NIPBL: variants seen among roughly 807,000 people sequenced by gnomAD.
NIPBL encodes the protein NIPBL cohesin loading factor, also known as nipped-B-like protein.
NIPBL carries 19 observed loss-of-function variants against 321.8 expected under a neutral mutation model. That is an observed-to-expected ratio of 0.06 (90% CI 0.04 to 0.09). NIPBL has a LOEUF of 0.09. NIPBL is among the 10% of genes least tolerant of loss of function. NIPBL has a pLI of 1.00. For synonymous variants in NIPBL, 1,106 were observed against 1,114.1 expected (o/e 0.99, Z 0.14); for missense variants, 2,210 against 3,327.0 (o/e 0.66, Z 8.26).
At chr5:36,994,887 G>GT (rs1745958618) in intron 10 of NIPBL, among the ~76,000 whole-genome samples, 1 of 152,046 alleles carries the variant, frequency 6.6e-6, no homozygotes, top group African/African-American at 2.4e-5. Context: ...TGACTCTTGT[G>GT]GGAAGATATG....
intron 34 of NIPBL, among the ~76,000 whole-genome samples, chr5:37,040,208 A>G (rs1050319548): frequency 3.3e-5 from 5 of 152,142 alleles, no homozygotes; most frequent in African/African-American, 1.2e-4. Flanking sequence ...TTTTTTTAAA[A>G]CAAAATCACT....
At chr5:36,946,700 A>G (rs1739724275) in intron 1 of NIPBL, among the ~76,000 whole-genome samples, 1 of 152,052 alleles carries the variant, frequency 6.6e-6, no homozygotes, top group African/African-American at 2.4e-5. Flanking sequence ...CATATATGAA[A>G]TTTCAGTTTA....
chr5:36,959,862 T>G (rs947425304), intron 4 of NIPBL, among the ~76,000 whole-genome samples: 2 of 152,202 alleles, frequency 1.3e-5, no homozygotes, highest in African/African-American at 4.8e-5. Context: ...AAGCATAAAC[T>G]AGCATTTAAA....
chr5:37,049,024 A>AT (rs1753255638), intron 39 of NIPBL, 87 bp from the exon 40 acceptor site: 2 of 1,349,400 alleles, frequency 1.5e-6, no homozygotes, highest in African/African-American at 1.4e-5. Flanking sequence ...ACGTTTTGTG[A>AT]TTTTGGTTAT....
intron 37 of NIPBL, among the ~76,000 whole-genome samples, chr5:37,045,858 A>G (rs748351392): frequency 6.6e-6 from 1 of 152,204 alleles, no homozygotes; most frequent in Non-Finnish European, 1.5e-5. Flanking sequence ...GTTGACATCA[A>G]CAGCTGACTT....
chr5:37,042,976 G>A (rs1018085607), intron 34 of NIPBL, among the ~76,000 whole-genome samples: 3 of 151,682 alleles, frequency 2.0e-5, no homozygotes, highest in Admixed American at 6.6e-5. Flanking sequence ...AGGATAGATA[G>A]AAACAAGACT....
At chr5:37,008,315 C>G (rs1238717794) in intron 19 of NIPBL, among the ~76,000 whole-genome samples, 1 of 151,932 alleles carries the variant, frequency 6.6e-6, no homozygotes, top group African/African-American at 2.4e-5. Flanking sequence ...AAAACACTTC[C>G]AAATATTTGC....
At chr5:36,928,483 T>C (rs1749530914) in intron 1 of NIPBL, among the ~76,000 whole-genome samples, 1 of 152,210 alleles carries the variant, frequency 6.6e-6, no homozygotes, top group African/African-American at 2.4e-5. Context: ...AAAAATATAT[T>C]GACCTAAGGA....
intron 1 of NIPBL, among the ~76,000 whole-genome samples, chr5:36,934,939 G>C (rs1309468462): frequency 6.6e-6 from 1 of 152,082 alleles, no homozygotes; most frequent in African/African-American, 2.4e-5. Flanking sequence ...CAGATAGAAG[G>C]ACTCACACTC....
rs1176037171 is a variant in NIPBL at position 37,065,162 on chromosome 5, TA to T, written c.*278del. The T allele has an allele frequency of 4.4e-5, 20 of 453,510 alleles. No homozygotes were observed. Among genetic ancestry groups the T allele is most frequent in the Non-Finnish European group, 6.0e-5 (15 of 251,902 alleles). 28.1% of individuals were successfully genotyped at this position (453,510 alleles called of 1,614,324 possible). ...TATCTTGGAAAAAAAACTTTCTGTT[TA>T]AAAAAAATAAACAAGTGAATGTTGG... On this transcript the variant is annotated 3_prime_UTR_variant, in exon 47 of 47. Coordinates refer to ENST00000282516, the MANE Select transcript of NIPBL (RefSeq NM_133433.4).
rs915971909 is a variant in NIPBL, at chr5:36,986,842, GTACT to G, written c.3121+547_3121+550del. 3.0e-4 allele frequency among the ~76,000 whole-genome samples: 45 copies of G among 152,050 alleles called. 1 individual carries two copies. Among genetic ancestry groups the G allele is most frequent in the Non-Finnish European group, 4.4e-5 (3 of 68,000 alleles). ...GTTTATGCAAAGGTAATAGGGAATG[GTACT>G]TACTTTTTAAATTTGGTTAAATTGT... On this transcript the variant is annotated intron_variant, in intron 10 of 46. Transcript: ENST00000282516.
Position 37,059,143 on chromosome 5 carries a change from A to G in NIPBL, c.7663A>G (p.Asn2555Asp). Residue 2555 changes from asparagine to aspartate, a missense_variant, in exon 44 of 47, where the codon AAT becomes GAT. Physicochemically the swap from Asn to Asp is conservative, Grantham distance 23 (BLOSUM62 1). Around this residue, in one of 14 missense-constraint regions of NIPBL, gnomAD observed 159 missense variants for 319.2 expected, o/e 0.50. Transcript: ENST00000282516. The stretch of plus-strand genomic sequence containing the variant: ...TCTCATGTTAAAACAACATTTGAAG[A>G]ATCTTTGTGGATTTTCTGATAGGTA... ...LLLMLKQHLKNLCGFSDSKIQ... is the reference protein window; with the variant it reads ...LLLMLKQHLKDLCGFSDSKIQ... The G allele has an allele frequency of 6.2e-7, 1 of 1,614,162 alleles. No homozygotes were observed. The highest frequency in any genetic ancestry group is 8.5e-7 in the Non-Finnish European group (1 of 1,180,002).
At chr5:36,924,594 T>C (rs1490886689) in intron 1 of NIPBL, among the ~76,000 whole-genome samples, 2 of 152,196 alleles carry the variant, frequency 1.3e-5, no homozygotes, top group African/African-American at 2.4e-5. Context: ...TGGTACCTTG[T>C]AGGTACTCAC....
chr5:37,039,727 C>G (rs979486595), intron 34 of NIPBL, among the ~76,000 whole-genome samples: 2 of 152,068 alleles, frequency 1.3e-5, no homozygotes, highest in Admixed American at 1.3e-4. Context: ...CTGCTGTGGT[C>G]AGTTTTTTTG....
At chr5:37,010,348 C>T in intron 21 of NIPBL, 123 bp downstream of exon 21, 1 of 771,348 alleles carries the variant, frequency 1.3e-6, no homozygotes, top group Non-Finnish European at 2.0e-6. Flanking sequence ...CGGAGTCTCG[C>T]TCTGTCACCC....
In NIPBL at chr5:37,000,491, A is replaced by G. The variant is rs571024836; in HGVS notation, c.3423A>G (p.Ser1141=). The stretch of plus-strand genomic sequence containing the variant: ...ACTCTCATGAAGGAAGAAGGAGTTC[A>G]GGTGGTGGTCGTTATCGAAACCGAA... ...SGHSHEGRRS[S]GGGRYRNRSP... The change falls in exon 12 of 47, where the codon TCA becomes TCG. Residue 1141 remains serine, a synonymous_variant. Coordinates refer to ENST00000282516, the MANE Select transcript of NIPBL (RefSeq NM_133433.4). 243 of 1,613,526 alleles carry G rather than the reference A, an allele frequency of 1.5e-4. 4 individuals are homozygous for G. In the South Asian group the frequency reaches 2.3e-3, roughly 15 times the overall value.
chr5:37,015,800 C>T (rs775918162), intron 22 of NIPBL, among the ~76,000 whole-genome samples: 1 of 152,098 alleles, frequency 6.6e-6, no homozygotes, highest in African/African-American at 2.4e-5. Flanking sequence ...ATGTGTTTCA[C>T]TTGCGAGAAA....
In NIPBL at chr5:36,985,237, A is replaced by G. The variant is rs974214878; in HGVS notation, c.2057A>G (p.Asn686Ser). ...NRLSDTKPND[N>S]KQNNGRSETT... Reference sequence around the variant, plus strand: ...CTGTCTGACACAAAACCAAATGACAACAAACAAAATAATGGCAGATCAGAA... The same window carrying G: ...CTGTCTGACACAAAACCAAATGACAGCAAACAAAATAATGGCAGATCAGAA... The change falls in exon 10 of 47, where the codon AAC becomes AGC. Residue 686 changes from asparagine to serine, a missense_variant. Physicochemically the swap from Asn to Ser is conservative, Grantham distance 46. Coordinates refer to ENST00000282516, the MANE Select transcript of NIPBL (RefSeq NM_133433.4). 5.0e-6 allele frequency: 8 copies of G among 1,613,712 alleles called. No individual in the cohort carries two copies. Among genetic ancestry groups the G allele is most frequent in the Admixed American group, 1.7e-5 (1 of 59,878 alleles).
chr5:36,906,094 T>C (rs1306083079), intron 1 of NIPBL, among the ~76,000 whole-genome samples: 1 of 152,094 alleles, frequency 6.6e-6, no homozygotes, highest in Non-Finnish European at 1.5e-5. Flanking sequence ...TTACTACATA[T>C]TAAAATGTCA....
Sources: gnomAD v4.1 joint callset for allele counts (sites outside exome capture counted in the v4.1 genomes callset) on GRCh38, gnomAD v4.1.1 for gene constraint, gnomAD v4.1.1 regional missense constraint, MANE v1.5 for transcripts, NCBI Gene and HGNC (gene_info 2026-07-23, HGNC 2026-07-21) for gene names.